Variants in ANOS1 observed in about 807,000 individuals in gnomAD.
ANOS1 encodes the protein anosmin-1.
A neutral mutation model predicts 59.0 loss-of-function variants in ANOS1; 6 were observed. That is an observed-to-expected ratio of 0.10 (90% CI 0.06 to 0.20). The LOEUF (loss-of-function observed/expected upper bound fraction) is 0.20. Ranked by LOEUF, ANOS1 falls within the 10% of genes least tolerant of loss-of-function variation. The pLI, the probability that ANOS1 is intolerant of heterozygous loss-of-function variation, is 1.00. For synonymous variants in ANOS1, 217 were observed against 223.4 expected (o/e 0.97, Z 0.25); for missense variants, 433 against 542.3 (o/e 0.80, Z 2.00).
At chrX:8,550,835 C>T (rs955970481) in intron 9 of ANOS1, among the ~76,000 whole-genome samples, 2 of 110,058 alleles carry the variant, frequency 1.8e-5, no homozygotes, top group Non-Finnish European at 3.8e-5. Context: ...GGTAAAAGAG[C>T]TTAAGAATAA....
chrX:8,571,328 A>T (rs1930229852), intron 6 of ANOS1, among the ~76,000 whole-genome samples: 1 of 111,356 alleles, frequency 9.0e-6, no homozygotes, highest in Non-Finnish European at 1.9e-5. Flanking sequence ...TTTTAGTAAA[A>T]TATAGTACAA....
chrX:8,661,473 A>C (rs778831127), intron 2 of ANOS1, among the ~76,000 whole-genome samples: 1 of 111,446 alleles, frequency 9.0e-6, no homozygotes, highest in African/African-American at 3.3e-5. Context: ...ACCTCATTTT[A>C]CCTTAATTAC....
At chrX:8,711,041 G>A in intron 1 of ANOS1, among the ~76,000 whole-genome samples, 1 of 112,358 alleles carries the variant, frequency 8.9e-6, no homozygotes, top group East Asian at 2.8e-4. Context: ...TGTCTGAGGA[G>A]AAAGGAAAAG....
intron 9 of ANOS1, among the ~76,000 whole-genome samples, chrX:8,545,443 T>C (rs1224145815): frequency 9.3e-6 from 1 of 107,411 alleles, no homozygotes; most frequent in Non-Finnish European, 1.9e-5. Flanking sequence ...CCAGAAAGCT[T>C]AAAACAATTG....
chrX:8,597,658 C>CTTTTTTTTT (rs35836743), intron 3 of ANOS1, among the ~76,000 whole-genome samples: 1 of 25,146 alleles, frequency 4.0e-5, no homozygotes, highest in African/African-American at 1.4e-4. Context: ...TTCTTTCTCC[C>CTTTTTTTTT]TTTTTTTTTT....
chrX:8,565,461 T>C (rs1233185888), intron 8 of ANOS1, among the ~76,000 whole-genome samples: 1 of 111,804 alleles, frequency 8.9e-6, no homozygotes, highest in East Asian at 2.8e-4. Flanking sequence ...AAGAGAGAGA[T>C]CTGTAACTAC....
At chrX:8,575,024 T>G (rs979229663) in intron 6 of ANOS1, among the ~76,000 whole-genome samples, 2 of 112,146 alleles carry the variant, frequency 1.8e-5, no homozygotes, top group African/African-American at 6.5e-5. Flanking sequence ...GCACACAGTA[T>G]GTGCTCAGTA....
chrX:8,706,745 G>A (rs1932782458), intron 1 of ANOS1, among the ~76,000 whole-genome samples: 2 of 111,675 alleles, frequency 1.8e-5, no homozygotes, highest in South Asian at 7.5e-4. Context: ...TTCAGGAGGA[G>A]GGCTTTCTTT....
chrX:8,622,235 A>G (rs762035844), intron 3 of ANOS1, among the ~76,000 whole-genome samples: 45 of 111,756 alleles, frequency 4.0e-4, no homozygotes, highest in African/African-American at 1.2e-3. Context: ...CATTCGTCTG[A>G]GGAGCCTCAA....
chrX:8,695,219 CA>C (rs1932666617), intron 2 of ANOS1, among the ~76,000 whole-genome samples: 1 of 111,702 alleles, frequency 9.0e-6, no homozygotes, highest in South Asian at 3.8e-4. Context: ...GGCTGAGGCA[CA>C]AGAACTGCTT....
chrX:8,619,265 A>AT (rs2146843307), intron 3 of ANOS1, among the ~76,000 whole-genome samples: 1 of 109,800 alleles, frequency 9.1e-6, no homozygotes, highest in African/African-American at 3.3e-5. Flanking sequence ...AAATATCTCA[A>AT]TTTTTTTCCT....
At chrX:8,668,677 C>T (rs1036306338) in intron 2 of ANOS1, among the ~76,000 whole-genome samples, 1 of 107,668 alleles carries the variant, frequency 9.3e-6, no homozygotes, top group African/African-American at 3.4e-5. Context: ...TGAATTGAGG[C>T]ACACATAAGG....
At chrX:8,602,079 G>A (rs1930853423) in intron 3 of ANOS1, among the ~76,000 whole-genome samples, 1 of 112,049 alleles carries the variant, frequency 8.9e-6, no homozygotes, top group African/African-American at 3.2e-5. Context: ...GTCTTACAGA[G>A]GAGCTTTATT....
chrX:8,533,019 G>A lies in ANOS1; in HGVS notation c.2019C>T (p.Tyr673=), dbSNP rs745949798. Residue 673 remains tyrosine (Y), a synonymous_variant, in exon 14 of 14, where the codon TAC becomes TAT. Transcript: ENST00000262648. ...TTTAGTATCTTTCTGGAGAAGGCTTGTAATGATGTGGATGACGATGCTTAA... is the reference window on the plus strand; with the variant it reads ...TTTAGTATCTTTCTGGAGAAGGCTTATAATGATGTGGATGACGATGCTTAA... The part of the protein sequence containing the change: ...SHLKHRHPHH[Y]KPSPERY 2 of 1,171,110 alleles carry A rather than the reference G, an allele frequency of 1.7e-6. No homozygotes were observed. Among genetic ancestry groups the A allele is most frequent in the African/African-American group, 3.5e-5 (2 of 56,545 alleles).
At chrX:8,639,183 T>G (rs911403464) in intron 2 of ANOS1, among the ~76,000 whole-genome samples, 1 of 111,549 alleles carries the variant, frequency 9.0e-6, no homozygotes, top group African/African-American at 3.3e-5. Flanking sequence ...ACAATATAGA[T>G]GATGCCATTC....
intron 2 of ANOS1, among the ~76,000 whole-genome samples, chrX:8,681,974 C>T (rs749614630): frequency 6.7e-4 from 75 of 111,485 alleles, no homozygotes; most frequent in African/African-American, 2.3e-3. Context: ...ATTGGGGGTA[C>T]ACTTCTGAGA....
chrX:8,711,968 T>C (rs923108340), intron 1 of ANOS1, among the ~76,000 whole-genome samples: 1 of 112,792 alleles, frequency 8.9e-6, no homozygotes, highest in Admixed American at 9.4e-5. Flanking sequence ...AATGCAATAC[T>C]GTCAAGTGCT....
intron 6 of ANOS1, among the ~76,000 whole-genome samples, chrX:8,571,764 T>C (rs1317034851): frequency 8.9e-6 from 1 of 112,039 alleles, no homozygotes; most frequent in Non-Finnish European, 1.9e-5. Flanking sequence ...CAAGTGGAGA[T>C]GCTGCTCACC....
At chrX:8,640,221 C>T (rs1931637004) in intron 2 of ANOS1, among the ~76,000 whole-genome samples, 2 of 111,092 alleles carry the variant, frequency 1.8e-5, no homozygotes, top group South Asian at 7.8e-4. Flanking sequence ...ATCTCAAAGC[C>T]CTCCTTTGTG....
Sources: allele counts gnomAD v4.1 joint callset (sites outside exome capture counted in the v4.1 genomes callset), GRCh38; gene constraint gnomAD v4.1.1; transcripts MANE v1.5; gene names NCBI Gene and HGNC (gene_info 2026-07-23, HGNC 2026-07-21).